Variants in MACF1 observed in about 807,000 individuals in gnomAD.
MACF1 encodes the protein microtubule-actin cross-linking factor 1.
A neutral mutation model predicts 854.8 loss-of-function variants in MACF1; 193 were observed. That is an observed-to-expected ratio of 0.23 (90% CI 0.20 to 0.25). MACF1 has a LOEUF of 0.25. Ranked by LOEUF, MACF1 falls within the 10% of genes least tolerant of loss-of-function variation. The pLI is 1.00. For synonymous variants in MACF1, 3,185 were observed against 3,226.7 expected (o/e 0.99, Z 0.44); for missense variants, 7,722 against 8,929.1 (o/e 0.86, Z 5.45).
intron 40 of MACF1, among the ~76,000 whole-genome samples, chr1:39,341,554 C>T (rs766499281): frequency 6.6e-6 from 1 of 151,440 alleles, no homozygotes; most frequent in Non-Finnish European, 1.5e-5. Context: ...AAAAATTAGC[C>T]GGGCGGTGTG....
chr1:39,244,165 C>T (rs1179567429), intron 2 of MACF1, among the ~76,000 whole-genome samples: 1 of 151,950 alleles, frequency 6.6e-6, no homozygotes, highest in African/African-American at 2.4e-5. Flanking sequence ...AGTGCAGTGG[C>T]ACAATCTCGG....
Position 39,406,253 on chromosome 1 carries a change from C to T in MACF1, c.15817-16121C>T, listed in dbSNP as rs144281673. ...GTGTGACTGCAGATAATAAGTAATT[C>T]GAATCTGAATTTCATAGTCGTAGGA... is the stretch of plus-strand genomic sequence containing the variant. On this transcript the variant is annotated intron_variant, in intron 58 of 100. Transcript: ENST00000564288. Among the ~76,000 whole-genome samples the T allele has an allele frequency of 7.9e-5, 12 of 152,096 alleles. No homozygotes were observed. The East Asian group carries it at 2.1e-3, about 27-fold the overall frequency.
intron 2 of MACF1, among the ~76,000 whole-genome samples, chr1:39,237,376 T>C (rs1644871424): frequency 6.6e-6 from 1 of 152,216 alleles, no homozygotes; most frequent in Non-Finnish European, 1.5e-5. Context: ...ACAGTACTCA[T>C]TGAGGACTGG....
In MACF1 at chr1:39,442,846, T is replaced by G; in HGVS notation, c.19237T>G (p.Cys6413Gly). 1 of 1,614,040 alleles carries G rather than the reference T, an allele frequency of 6.2e-7. No homozygotes were observed. The highest frequency in any genetic ancestry group is 8.5e-7 in the Non-Finnish European group (1 of 1,179,954). Residue 6413 changes from cysteine (C) to glycine (G), a missense_variant, in exon 78 of 101, where the codon TGC becomes GGC. Cys to Gly is a radical substitution (Grantham distance 159). Around this residue, in one of 15 missense-constraint regions of MACF1, gnomAD observed 729 missense variants for 900.5 expected, o/e 0.81. Coordinates refer to ENST00000564288, the MANE Select transcript of MACF1 (RefSeq NM_001394062.1). The part of the protein sequence containing the change: ...LRSRLEAMNQ[C>G]WESVLQKTEE... The stretch of plus-strand genomic sequence containing the variant: ...GAGCCGTTTGGAAGCCATGAACCAA[T>G]GCTGGGAGTCAGTGTTACAGAAAAC...
intron 1 of MACF1, among the ~76,000 whole-genome samples, chr1:39,226,424 TCC>T (rs1644716706): frequency 6.6e-6 from 1 of 151,630 alleles, no homozygotes; most frequent in Non-Finnish European, 1.5e-5. Context: ...CACTGCAACC[TCC>T]GCCTCCCAGG....
At chr1:39,412,956 A>G (rs764085645) in intron 58 of MACF1, 54 of 1,595,194 alleles carry the variant, frequency 3.4e-5, no homozygotes, top group African/African-American at 6.7e-5. Flanking sequence ...AGGATGTCAC[A>G]GCTGCTGCAG....
intron 52 of MACF1, among the ~76,000 whole-genome samples, chr1:39,374,048 C>A (rs1649500810): frequency 6.6e-6 from 1 of 151,756 alleles, no homozygotes; most frequent in Non-Finnish European, 1.5e-5. Flanking sequence ...TCAAGACCAG[C>A]CTGGCCAACA....
At chr1:39,420,587 C>T (rs1468132720) in intron 58 of MACF1, among the ~76,000 whole-genome samples, 1 of 152,248 alleles carries the variant, frequency 6.6e-6, no homozygotes, top group East Asian at 1.9e-4. Flanking sequence ...TCAGTGTTCC[C>T]TGGGGCTTTC....
chr1:39,228,818 T>C (rs1313846133), intron 1 of MACF1, among the ~76,000 whole-genome samples: 1 of 152,134 alleles, frequency 6.6e-6, no homozygotes, highest in Admixed American at 6.5e-5. Flanking sequence ...CATGTCCAGC[T>C]AATTTTTGTA....
intron 2 of MACF1, among the ~76,000 whole-genome samples, chr1:39,118,209 G>A (rs146545173): frequency 1.6e-4 from 24 of 152,294 alleles, no homozygotes; most frequent in African/African-American, 5.5e-4. Context: ...ACAAACATTC[G>A]TGTGCTCACA....
Position 39,459,093 on chromosome 1 carries a change from C to T in MACF1, c.21204C>T (p.Ser7068=). Residue 7068 remains serine (S), a synonymous_variant, in exon 91 of 101, where the codon TCC becomes TCT. Coordinates refer to ENST00000564288, the MANE Select transcript of MACF1 (RefSeq NM_001394062.1). The part of the protein sequence containing the change: ...IEKSRSGGRK[S]LSQPTPPPMP... The stretch of plus-strand genomic sequence containing the variant: ...GATTATTTTTCCTTTTAGGGAAATC[C>T]CTAAGTCAGCCAACCCCTCCTCCCA... 1 of 1,611,062 alleles carries T rather than the reference C, an allele frequency of 6.2e-7. No individual in the cohort carries two copies. Among genetic ancestry groups the T allele is most frequent in the Middle Eastern group, 1.7e-4 (1 of 6,038 alleles).
intron 6 of MACF1, among the ~76,000 whole-genome samples, chr1:39,262,278 A>G (rs1645171777): frequency 6.6e-6 from 1 of 151,648 alleles, no homozygotes; most frequent in Non-Finnish European, 1.5e-5. Flanking sequence ...GGCGCACTGT[A>G]GTCCCACCTA....
chr1:39,452,918 A>G (rs973857311), intron 87 of MACF1, 106 bp downstream of exon 87: 4 of 1,365,558 alleles, frequency 2.9e-6, no homozygotes, highest in Non-Finnish European at 4.0e-6. Flanking sequence ...AGCTCACATG[A>G]AAAGGAACAA....
chr1:39,463,755 C>G, intron 94 of MACF1, 69 bp downstream of exon 94: 1 of 1,399,422 alleles, frequency 7.1e-7, no homozygotes. Flanking sequence ...ACCTTTTCCT[C>G]CTGATGCTTA....
Position 39,285,403 on chromosome 1 carries a change from C to T in MACF1, c.1353+13C>T, listed in dbSNP as rs1645622771. On this transcript the variant is annotated intron_variant, in intron 13 of 100. Coordinates refer to ENST00000564288, the MANE Select transcript of MACF1 (RefSeq NM_001394062.1). ...TACACTGCAGGCTGTAAGTCTCTGA[C>T]TGTTTTGTCCAACATCTGTGTCACA... The T allele has an allele frequency of 6.2e-7, 1 of 1,612,500 alleles. No individual in the cohort carries two copies. The highest frequency in any genetic ancestry group is 1.3e-5 in the African/African-American group (1 of 74,872).
intron 6 of MACF1, among the ~76,000 whole-genome samples, chr1:39,275,552 T>A (rs928292574): frequency 1.3e-5 from 2 of 152,084 alleles, no homozygotes; most frequent in African/African-American, 4.8e-5. Context: ...ACCCATCAGA[T>A]TGGCAGAAGG....
At chr1:39,325,790 C>T (rs1221556439) in intron 35 of MACF1, among the ~76,000 whole-genome samples, 1 of 152,070 alleles carries the variant, frequency 6.6e-6, no homozygotes, top group Non-Finnish European at 1.5e-5. Flanking sequence ...GCCCAGTGGT[C>T]TGTATTTTCT....
chr1:39,221,955 C>T (rs1644657604), intron 1 of MACF1, among the ~76,000 whole-genome samples: 1 of 152,184 alleles, frequency 6.6e-6, no homozygotes, highest in South Asian at 2.1e-4. Flanking sequence ...GTACTCCTTA[C>T]TCTAGCTTTC....
chr1:39,459,017 TATAC>T, intron 90 of MACF1, 65 bp from the exon 91 acceptor site: 1 of 1,319,902 alleles, frequency 7.6e-7, no homozygotes, highest in Non-Finnish European at 1.1e-6. Flanking sequence ...CTTCTAGGTT[TATAC>T]ATACAGCTAT....
Sources: allele counts gnomAD v4.1 joint callset (sites outside exome capture counted in the v4.1 genomes callset), GRCh38; gene constraint gnomAD v4.1.1; regional missense constraint gnomAD v4.1.1; transcripts MANE v1.5; gene names NCBI Gene and HGNC (gene_info 2026-07-23, HGNC 2026-07-21).